ANO1: variants seen among roughly 807,000 people sequenced by gnomAD.
ANO1 encodes anoctamin 1.
Under a neutral mutation model 124.0 loss-of-function variants are expected in ANO1, and 59 were observed. That is an observed-to-expected ratio of 0.48 (90% CI 0.39 to 0.59). The LOEUF is 0.59. Among genes scored for constraint, ANO1 ranks in the 20% least tolerant of loss-of-function variants. The probability of loss-of-function intolerance (pLI) is 0.00; values close to 1 mark genes in which losing one functional copy is unlikely to be tolerated. For missense variants in ANO1, 1,059 were observed against 1,328.0 expected, an observed-to-expected ratio of 0.80 and a Z score of 3.15; for synonymous variants, 529 against 532.0, an observed-to-expected ratio of 0.99 and a Z score of 0.08.
chr11:70,159,298 C>G (rs932746530), intron 16 of ANO1, among the ~76,000 whole-genome samples: 6 of 152,156 alleles, frequency 3.9e-5, no homozygotes, highest in Admixed American at 1.3e-4. Context: ...CGCAGAAGAC[C>G]CACCACACCT....
upstream of ANO1, among the ~76,000 whole-genome samples, chr11:70,074,685 G>T (rs983822857): frequency 1.7e-4 from 26 of 152,204 alleles, no homozygotes; most frequent in Admixed American, 1.7e-3. Context: ...TTTGTCCCCT[G>T]GAGGATATTT....
intron 7 of ANO1, among the ~76,000 whole-genome samples, chr11:70,112,112 G>A (rs2045808475): frequency 6.6e-6 from 1 of 152,206 alleles, no homozygotes; most frequent in Admixed American, 6.5e-5. Context: ...GAATGACCAG[G>A]GCTCTGTACG....
At chr11:69,974,992 C>T in the ANO1 span, among the ~76,000 whole-genome samples, 1 of 151,992 alleles carries the variant, frequency 6.6e-6, no homozygotes, top group African/African-American at 2.4e-5. Flanking sequence ...CTAAACTGCC[C>T]TGAGAGGCAG....
At chr11:69,989,987 A>G (rs1856122340) in intron 1 of ANO1, among the ~76,000 whole-genome samples, 1 of 152,192 alleles carries the variant, frequency 6.6e-6, no homozygotes, top group Non-Finnish European at 1.5e-5. Flanking sequence ...TGTGTTAGAT[A>G]TTATATATAC....
chr11:69,969,110 G>A, the ANO1 span, among the ~76,000 whole-genome samples: 3 of 152,198 alleles, frequency 2.0e-5, no homozygotes, highest in Non-Finnish European at 4.4e-5. Context: ...ATGGAAGTGG[G>A]ATCCCCTTCA....
chr11:70,184,853 C>A (rs868472600), intron 24 of ANO1, among the ~76,000 whole-genome samples: 1 of 152,008 alleles, frequency 6.6e-6, no homozygotes, highest in Non-Finnish European at 1.5e-5. Context: ...CTCAGGTGAT[C>A]CTCCCACCTC....
chr11:70,183,021 A>C (rs1428742919), intron 24 of ANO1, among the ~76,000 whole-genome samples: 2 of 152,058 alleles, frequency 1.3e-5, no homozygotes, highest in African/African-American at 4.8e-5. Context: ...AGGTGGGAGG[A>C]TCAATTGAGC....
intron 1 of ANO1, among the ~76,000 whole-genome samples, chr11:70,057,858 C>T (rs2135100090): frequency 1.3e-5 from 2 of 152,118 alleles, no homozygotes; most frequent in South Asian, 4.2e-4. Flanking sequence ...GCTCAGAGGC[C>T]TGACAAAACA....
rs193115876 is a variant in ANO1 at position 70,020,636 on chromosome 11, C to T, written c.58+34470C>T. 1.5e-3 allele frequency among the ~76,000 whole-genome samples: 227 copies of T among 152,330 alleles called. 3 individuals carry two copies. Among genetic ancestry groups the T allele is most frequent in the Non-Finnish European group, 1.2e-3 (84 of 68,034 alleles). On this transcript the variant is annotated intron_variant, in intron 1 of 27. Transcript: ENST00000531349. The stretch of plus-strand genomic sequence containing the variant: ...ACACACTCCACACCCCTCTTCGCTG[C>T]TGCGGTGTGAAGCTTCAGCCTAACC...
chr11:70,121,960 C>T (rs2046301032), intron 8 of ANO1, among the ~76,000 whole-genome samples: 1 of 144,930 alleles, frequency 6.9e-6, no homozygotes, highest in African/African-American at 2.6e-5. Context: ...CTCTCCACCT[C>T]CCCACCTCTC....
At chr11:69,981,913 T>G (rs560169709), upstream of ANO1, among the ~76,000 whole-genome samples, 34 of 152,266 alleles carry the variant, frequency 2.2e-4, no homozygotes, top group African/African-American at 7.9e-4. Context: ...CCAAACATAA[T>G]GAAAGAAGCC....
intron 7 of ANO1, among the ~76,000 whole-genome samples, chr11:70,114,823 C>T (rs914807580): frequency 6.6e-6 from 1 of 152,228 alleles, no homozygotes; most frequent in South Asian, 2.1e-4. Flanking sequence ...TGCTTGAACT[C>T]GGGAGGCGGA....
the ANO1 span, among the ~76,000 whole-genome samples, chr11:69,975,007 G>A: frequency 1.1e-3 from 169 of 152,306 alleles, 4 homozygotes; most frequent in South Asian, 0.034. Context: ...AGGCAGCTAC[G>A]GAGGCAGCCT....
intron 1 of ANO1, among the ~76,000 whole-genome samples, chr11:70,040,010 A>G (rs781982222): frequency 2.6e-5 from 4 of 152,178 alleles, no homozygotes; most frequent in Non-Finnish European, 5.9e-5. Context: ...GTCCCCAACT[A>G]TATTCCTGGA....
rs1432604573 is a variant in ANO1 at position 70,107,490 on chromosome 11, C to CG, written c.748-861dup. Among the ~76,000 whole-genome samples, 15 of 64,552 alleles carry CG rather than the reference C, an allele frequency of 2.3e-4. 3 individuals carry two copies. Among genetic ancestry groups the CG allele is most frequent in the South Asian group, 1.7e-3 (5 of 2,950 alleles). 42.3% of individuals were successfully genotyped at this position (64,552 alleles called of 152,430 possible). On this transcript the variant is annotated intron_variant, in intron 5 of 25. Coordinates refer to ENST00000355303, the MANE Select transcript of ANO1 (RefSeq NM_018043.7). ...TTGGGACAGGTGGGTCCAGTGGAGG[C>CG]GGCGGGGCGGGGAAGCGGTCAGATG... is the stretch of plus-strand genomic sequence containing the variant.
chr11:69,995,661 T>C (rs1856255680), intron 1 of ANO1, among the ~76,000 whole-genome samples: 1 of 152,162 alleles, frequency 6.6e-6, no homozygotes, highest in Non-Finnish European at 1.5e-5. Context: ...GGATTATTAG[T>C]TTGAGGGAGG....
intron 19 of ANO1, among the ~76,000 whole-genome samples, chr11:70,163,779 A>G (rs574983757): frequency 2.0e-5 from 3 of 152,004 alleles, no homozygotes; most frequent in Non-Finnish European, 4.4e-5. Context: ...TCTACTAAAA[A>G]CGCAAAAAAT....
At chr11:70,073,210 T>G (rs1591075910) in intron 1 of ANO1, among the ~76,000 whole-genome samples, 1 of 149,802 alleles carries the variant, frequency 6.7e-6, no homozygotes, top group Non-Finnish European at 1.5e-5. Context: ...CTGCGGGGAG[T>G]CCGACCCTGT....
intron 22 of ANO1, among the ~76,000 whole-genome samples, chr11:70,174,092 C>T (rs542566834): frequency 2.6e-5 from 4 of 151,130 alleles, no homozygotes; most frequent in East Asian, 2.0e-4. Context: ...CCCGCCACCA[C>T]GCTTGGCTGA....
Sources: gnomAD v4.1 joint callset for allele counts (sites outside exome capture counted in the v4.1 genomes callset) on GRCh38, gnomAD v4.1.1 for gene constraint, MANE v1.5 for transcripts, NCBI Gene and HGNC (gene_info 2026-07-23, HGNC 2026-07-21) for gene names.